The following BOD1L1 variants were observed in gnomAD, a reference collection of about 807,000 sequenced individuals.
The protein encoded by BOD1L1 is biorientation of chromosomes in cell division protein 1-like 1.
Under a neutral mutation model 240.7 loss-of-function variants are expected in BOD1L1, and 86 were observed. That is an observed-to-expected ratio of 0.36 (90% CI 0.30 to 0.43). The LOEUF is 0.43. BOD1L1 is among the 20% of genes least tolerant of loss of function. The pLI is 1.00. For missense variants in BOD1L1, 3,554 were observed against 3,643.5 expected, an observed-to-expected ratio of 0.98 and a Z score of 0.63; for synonymous variants, 1,268 against 1,272.3, an observed-to-expected ratio of 1.00 and a Z score of 0.07.
chr4:13,585,040 C>T (rs958063821), intron 17 of BOD1L1, among the ~76,000 whole-genome samples: 42 of 152,150 alleles, frequency 2.8e-4, no homozygotes, highest in African/African-American at 6.3e-4. Context: ...TAAAAAATCA[C>T]GAAATTTAAG....
At chr4:13,620,148 G>A in intron 1 of BOD1L1, 81 bp from the exon 2 acceptor site, 1 of 1,370,494 alleles carries the variant, frequency 7.3e-7, no homozygotes, top group Non-Finnish European at 9.7e-7. Flanking sequence ...TTTTACCATG[G>A]GACAACAAAG....
chr4:13,622,969 G>T (rs1005796698), intron 1 of BOD1L1, among the ~76,000 whole-genome samples: 24 of 152,064 alleles, frequency 1.6e-4, no homozygotes, highest in African/African-American at 5.1e-4. Flanking sequence ...CCCCTTAGTG[G>T]GTCTGTCTCA....
Position 13,576,957 on chromosome 4 carries a change from T to C in BOD1L1, c.8919A>G (p.Ser2973=), listed in dbSNP as rs776603761. The C allele has an allele frequency of 4.3e-6, 7 of 1,613,994 alleles. No homozygotes were observed. Among genetic ancestry groups the C allele is most frequent in the African/African-American group, 1.3e-5 (1 of 75,054 alleles). Residue 2973 remains serine, a synonymous_variant, in exon 25 of 26, where the codon TCA becomes TCG. Coordinates refer to ENST00000040738, the MANE Select transcript of BOD1L1 (RefSeq NM_148894.3). ...SSEPERKRQK[S]VSDPVEDKKE... is the part of the protein sequence containing the mutation. ...TCTTGTCCTCCACTGGATCAGAAAC[T>C]GATTTCTGGCGTTTTCTTTCTGGCT...
chr4:13,603,004 T>C lies in BOD1L1; in HGVS notation c.3896A>G (p.Asp1299Gly). Reference protein sequence around the residue: ...VVPLRESYDPDVIPLFDKRTV... With the variant: ...VVPLRESYDPGVIPLFDKRTV... ...TCTTTTGTCAAACAGAGGAATTACA[T>C]CTGGATCATACGATTCCCTCAGAGG... The change falls in exon 10 of 26, where the codon GAT becomes GGT. Residue 1299 changes from aspartate to glycine, a missense_variant. Asp to Gly is a moderately conservative substitution (Grantham distance 94). Coordinates refer to ENST00000040738, the MANE Select transcript of BOD1L1 (RefSeq NM_148894.3). 2 of 1,614,016 alleles carry C rather than the reference T, an allele frequency of 1.2e-6. No individual in the cohort carries two copies. The highest frequency in any genetic ancestry group is 1.7e-6 in the Non-Finnish European group (2 of 1,179,886).
At chr4:13,577,671 CT>C (rs1277250258) in intron 22 of BOD1L1, 40 bp from the exon 23 acceptor site, 2 of 1,444,374 alleles carry the variant, frequency 1.4e-6, no homozygotes, top group East Asian at 4.9e-5. Flanking sequence ...TATTTTATTA[CT>C]GTAAATTTAA....
At chr4:13,614,133 C>A in intron 4 of BOD1L1, 63 bp downstream of exon 4, 4 of 1,346,814 alleles carry the variant, frequency 3.0e-6, no homozygotes, top group Non-Finnish European at 3.9e-6. Flanking sequence ...AAATTTGATA[C>A]TTCCCTGATC....
chr4:13,623,537 T>C (rs1717181692), intron 1 of BOD1L1: 1 of 152,278 alleles, frequency 6.6e-6, no homozygotes. Flanking sequence ...GGAGGAGTCT[T>C]TGCAGTAGTT....
chr4:13,627,224 T>A (rs1717463872), intron 1 of BOD1L1, 121 bp downstream of exon 1: 1 of 409,136 alleles, frequency 2.4e-6, no homozygotes, highest in Non-Finnish European at 3.7e-6. Context: ...GAATGAACAC[T>A]CTGTGCTTTG....
intron 6 of BOD1L1, among the ~76,000 whole-genome samples, chr4:13,610,662 A>G (rs1204255577): frequency 1.3e-5 from 2 of 152,252 alleles, no homozygotes; most frequent in Non-Finnish European, 2.9e-5. Context: ...CACTATGTAT[A>G]TGCGAATATT....
rs780240777 is a variant in BOD1L1 at position 13,590,427 on chromosome 4, C to G, written c.8168G>C (p.Arg2723Thr). Residue 2723 changes from arginine to threonine, a missense_variant, in exon 14 of 26, where the codon AGA becomes ACA. This residue lies in a region of BOD1L1 where 3,393 missense variants were observed against 3,427.1 expected (regional missense o/e 0.99). Coordinates refer to ENST00000040738, the MANE Select transcript of BOD1L1 (RefSeq NM_148894.3). ...ESLNVENSGFRTNEEIHSESY... is the reference protein window; with the variant it reads ...ESLNVENSGFTTNEEIHSESY... ...TTCGCTATGAATTTCTTCATTTGTT[C>G]TGAAGCCTGAATTTTCAACCTAAAT... The G allele has an allele frequency of 6.6e-7, 1 of 1,523,242 alleles. No individual in the cohort carries two copies. Among genetic ancestry groups the G allele is most frequent in the Non-Finnish European group, 9.0e-7 (1 of 1,113,760 alleles). 94.4% of individuals were successfully genotyped at this position (1,523,242 alleles called of 1,614,324 possible).
intron 22 of BOD1L1, among the ~76,000 whole-genome samples, chr4:13,578,526 G>T (rs1024457749): frequency 1.3e-5 from 2 of 152,160 alleles, no homozygotes; most frequent in African/African-American, 4.8e-5. Flanking sequence ...TAGGCATTTT[G>T]AATAAGGATA....
chr4:13,621,788 T>C (rs909129106), intron 1 of BOD1L1, among the ~76,000 whole-genome samples: 5 of 152,186 alleles, frequency 3.3e-5, no homozygotes, highest in Non-Finnish European at 5.9e-5. Context: ...CCTTTGCTGA[T>C]ACTTATTTCC....
Position 13,599,087 on chromosome 4 carries a change from T to C in BOD1L1, c.7813A>G (p.Ile2605Val), listed in dbSNP as rs1714852440. Residue 2605 changes from isoleucine (I) to valine (V), a missense_variant, in exon 10 of 26, where the codon ATA (isoleucine) becomes GTA (valine). Ile to Val is a conservative substitution (Grantham distance 29). Transcript: ENST00000040738. ...CATTTGCCACTATAATCATTCTTTA[T>C]AGTCAAGTCCTGCTCACATTTAGGA... ...LAPKCEQDLT[I>V]KNDYSGKWTD... The C allele has an allele frequency of 1.2e-6, 2 of 1,614,022 alleles. No homozygotes were observed. Among genetic ancestry groups the C allele is most frequent in the South Asian group, 1.1e-5 (1 of 91,086 alleles).
chr4:13,581,647 G>C (rs1035060668), intron 19 of BOD1L1, among the ~76,000 whole-genome samples: 2 of 152,098 alleles, frequency 1.3e-5, no homozygotes, highest in East Asian at 3.8e-4. Context: ...ATCTAGACCC[G>C]GCTAGTGCAC....
chr4:13,609,222 A>G (rs1715961294), intron 7 of BOD1L1, 73 bp downstream of exon 7: 2 of 784,296 alleles, frequency 2.6e-6, no homozygotes, highest in Non-Finnish European at 3.6e-6. Flanking sequence ...ATGTCTCATA[A>G]GTAATATAAG....
chr4:13,572,797 G>C (rs1287394417), intron 25 of BOD1L1: 1 of 1,289,684 alleles, frequency 7.8e-7, no homozygotes, highest in African/African-American at 1.5e-5. Context: ...TGTCTGGGCT[G>C]CCAAGTTTGG....
In BOD1L1 at chr4:13,609,278, A is replaced by C. The variant is rs1478727578; in HGVS notation, c.1603+17T>G. ...ATATATGAGATAGTTTAAAATATTAAAAGTTGACATCTATACCTTGACCCT... is the reference window on the plus strand; with the variant it reads ...ATATATGAGATAGTTTAAAATATTACAAGTTGACATCTATACCTTGACCCT... On this transcript the variant is annotated intron_variant, in intron 7 of 25. Transcript: ENST00000040738. The C allele has an allele frequency of 1.4e-6, 2 of 1,400,116 alleles. No homozygotes were observed. Among genetic ancestry groups the C allele is most frequent in the Non-Finnish European group, 9.4e-7 (1 of 1,059,232 alleles). 86.7% of individuals were successfully genotyped at this position (1,400,116 alleles called of 1,614,324 possible).
chr4:13,584,067 G>T (rs2108898671), intron 17 of BOD1L1, among the ~76,000 whole-genome samples: 1 of 152,294 alleles, frequency 6.6e-6, no homozygotes, highest in South Asian at 2.1e-4. Flanking sequence ...GATGGCACCA[G>T]GGCCAACAAT....
chr4:13,572,644 T>A (rs1712309004), intron 25 of BOD1L1: 1 of 1,240,498 alleles, frequency 8.1e-7, no homozygotes. Flanking sequence ...AAAGCATTAT[T>A]GTACCAAAAA....
Sources: gnomAD v4.1 joint callset for allele counts (sites outside exome capture counted in the v4.1 genomes callset) on GRCh38, gnomAD v4.1.1 for gene constraint, gnomAD v4.1.1 regional missense constraint, MANE v1.5 for transcripts, NCBI Gene and HGNC (gene_info 2026-07-23, HGNC 2026-07-21) for gene names.